The following NSMCE2 variants were observed in gnomAD, a reference collection of about 807,000 sequenced individuals.
NSMCE2 encodes NSE2 SUMO ligase component of SMC5/6 complex, also known as E3 SUMO-protein ligase NSE2.
A neutral mutation model predicts 23.8 loss-of-function variants in NSMCE2; 24 were observed. The observed-to-expected ratio is 1.01, with a 90% CI of 0.73 to 1.42. The LOEUF is 1.42. Among genes scored for constraint, NSMCE2 ranks in the 40% most tolerant of loss-of-function variants. The pLI, the probability that NSMCE2 is intolerant of heterozygous loss-of-function variation, is 0.00. For missense variants in NSMCE2, 284 were observed against 296.5 expected (o/e 0.96, Z 0.31); for synonymous variants, 92 against 94.1 (o/e 0.98, Z 0.13).
intron 4 of NSMCE2, among the ~76,000 whole-genome samples, chr8:125,169,667 G>A (rs548180677): frequency 7.8e-4 from 118 of 152,094 alleles, no homozygotes; most frequent in African/African-American, 2.4e-3. Context: ...GCTGCACACA[G>A]TTGCTGTCTT....
chr8:125,272,828 T>C (rs574282158), intron 5 of NSMCE2, among the ~76,000 whole-genome samples: 8 of 99,384 alleles, frequency 8.0e-5, no homozygotes, highest in South Asian at 3.0e-4. Context: ...TATATACACA[T>C]ATATATACAC....
At chr8:125,366,195 G>A (rs1407930914) in intron 7 of NSMCE2, among the ~76,000 whole-genome samples, 2 of 152,172 alleles carry the variant, frequency 1.3e-5, no homozygotes, top group Non-Finnish European at 2.9e-5. Context: ...ACCTGAACTT[G>A]CAGCAAGCAT....
intron 4 of NSMCE2, among the ~76,000 whole-genome samples, chr8:125,164,926 G>A (rs997101619): frequency 5.2e-4 from 79 of 152,316 alleles, no homozygotes; most frequent in African/African-American, 1.8e-3. Flanking sequence ...TGCCAGGTTA[G>A]CCTACAGATT....
intron 3 of NSMCE2, among the ~76,000 whole-genome samples, chr8:125,139,090 C>T (rs908376512): frequency 2.4e-4 from 36 of 152,170 alleles, no homozygotes; most frequent in African/African-American, 8.7e-4. Flanking sequence ...TGGAAGGACT[C>T]TAATAAATGG....
chr8:125,156,604 A>G (rs1285621217), intron 4 of NSMCE2, among the ~76,000 whole-genome samples: 2 of 152,136 alleles, frequency 1.3e-5, no homozygotes, highest in African/African-American at 4.8e-5. Flanking sequence ...GATATGCCCT[A>G]TGTAGTGTGG....
chr8:125,166,413 C>T (rs1470441312), intron 4 of NSMCE2, among the ~76,000 whole-genome samples: 5 of 151,992 alleles, frequency 3.3e-5, no homozygotes, highest in Non-Finnish European at 5.9e-5. Flanking sequence ...ATTTCAAGTG[C>T]GTACCACCAC....
intron 3 of NSMCE2, among the ~76,000 whole-genome samples, chr8:125,104,618 C>T (rs888960241): frequency 6.6e-6 from 1 of 152,200 alleles, no homozygotes; most frequent in African/African-American, 2.4e-5. Flanking sequence ...CAGCATCAGA[C>T]TCAAGGGGAC....
chr8:125,363,666 G>T (rs1412986131), intron 7 of NSMCE2, among the ~76,000 whole-genome samples: 1 of 143,392 alleles, frequency 7.0e-6, no homozygotes, highest in Admixed American at 7.0e-5. Context: ...GAAGAGAGGA[G>T]GGCGGGGAGG....
chr8:125,186,083 G>A (rs1463160615), intron 5 of NSMCE2, among the ~76,000 whole-genome samples: 1 of 152,160 alleles, frequency 6.6e-6, no homozygotes. Context: ...TCTATGGCCT[G>A]CAAGCTAACA....
At chr8:125,343,629 AC>A (rs934805171) in intron 5 of NSMCE2, among the ~76,000 whole-genome samples, 54 of 152,016 alleles carry the variant, frequency 3.6e-4, no homozygotes, top group Admixed American at 3.3e-3. Context: ...ACAGAGCAAG[AC>A]CCTGTCTAAA....
chr8:125,278,987 A>T (rs1827585092), intron 5 of NSMCE2, among the ~76,000 whole-genome samples: 1 of 152,096 alleles, frequency 6.6e-6, no homozygotes, highest in Admixed American at 6.6e-5. Flanking sequence ...AGCATATTAA[A>T]TATTTTGTGT....
At chr8:125,138,900 G>C (rs1272752820) in intron 3 of NSMCE2, among the ~76,000 whole-genome samples, 1 of 152,130 alleles carries the variant, frequency 6.6e-6, no homozygotes, top group African/African-American at 2.4e-5. Flanking sequence ...CTGATATTGA[G>C]GTGGAAGTAG....
At chr8:125,214,208 G>A (rs1263512022) in intron 5 of NSMCE2, among the ~76,000 whole-genome samples, 2 of 152,312 alleles carry the variant, frequency 1.3e-5, no homozygotes, top group Admixed American at 6.5e-5. Context: ...TTAGGGAACT[G>A]TATCAAGGTT....
At chr8:125,292,220 G>GAA (rs34130712) in intron 5 of NSMCE2, among the ~76,000 whole-genome samples, 4 of 141,760 alleles carry the variant, frequency 2.8e-5, no homozygotes, top group Admixed American at 7.1e-5. Flanking sequence ...GCTATGGGAG[G>GAA]AAAAAAAAAA....
At chr8:125,194,328 G>T (rs1823503760) in intron 5 of NSMCE2, among the ~76,000 whole-genome samples, 1 of 152,072 alleles carries the variant, frequency 6.6e-6, no homozygotes, top group African/African-American at 2.4e-5. Context: ...CCAGAATGTT[G>T]TATAGGTAGA....
intron 3 of NSMCE2, among the ~76,000 whole-genome samples, chr8:125,144,998 C>G (rs1294039004): frequency 2.0e-5 from 3 of 152,096 alleles, no homozygotes; most frequent in African/African-American, 7.2e-5. Flanking sequence ...GTTTGTTTGA[C>G]TTTAGGAAAA....
intron 4 of NSMCE2, among the ~76,000 whole-genome samples, chr8:125,178,794 C>T (rs1430292154): frequency 6.6e-6 from 1 of 152,004 alleles, no homozygotes. Flanking sequence ...GGTGTGAACC[C>T]GGGAGGTGGA....
chr8:125,135,019 C>T (rs1819991183), intron 3 of NSMCE2, among the ~76,000 whole-genome samples: 1 of 152,132 alleles, frequency 6.6e-6, no homozygotes, highest in African/African-American at 2.4e-5. Context: ...GCAACCCTCC[C>T]ACCTCAGCCT....
chr8:125,226,416 A>G (rs909507673), intron 5 of NSMCE2, among the ~76,000 whole-genome samples: 5 of 152,178 alleles, frequency 3.3e-5, no homozygotes, highest in African/African-American at 9.7e-5. Context: ...AACTGAAGCT[A>G]GTGCAAATGA....
Sources: gnomAD v4.1 joint callset for allele counts (sites outside exome capture counted in the v4.1 genomes callset) on GRCh38, gnomAD v4.1.1 for gene constraint, MANE v1.5 for transcripts, NCBI Gene and HGNC (gene_info 2026-07-23, HGNC 2026-07-21) for gene names.